CEMIP: variants seen among roughly 807,000 people sequenced by gnomAD.
CEMIP encodes the protein cell migration inducing hyaluronidase 1.
CEMIP carries 105 observed loss-of-function variants against 156.9 expected under a neutral mutation model. The observed-to-expected ratio is 0.67, with a 90% CI of 0.57 to 0.79. The LOEUF (loss-of-function observed/expected upper bound fraction) is 0.79, where lower values mean the gene tolerates loss of function less well. Ranked by LOEUF, CEMIP falls within the 30% of genes least tolerant of loss-of-function variation. The probability of loss-of-function intolerance (pLI) is 0.00; values close to 1 mark genes in which losing one functional copy is unlikely to be tolerated. For missense variants in CEMIP, 1,457 were observed against 1,769.4 expected (o/e 0.82, Z 3.17); for synonymous variants, 676 against 668.4 (o/e 1.01, Z -0.17).
intron 1 of CEMIP, among the ~76,000 whole-genome samples, chr15:80,817,244 G>T (rs546156940): frequency 6.6e-6 from 1 of 152,180 alleles, no homozygotes; most frequent in South Asian, 2.1e-4. Flanking sequence ...TGAGGAGAAA[G>T]TTGCTCAAAT....
intron 1 of CEMIP, among the ~76,000 whole-genome samples, chr15:80,816,922 G>A (rs1755519116): frequency 6.6e-6 from 1 of 152,078 alleles, no homozygotes; most frequent in Non-Finnish European, 1.5e-5. Context: ...CGCTCCTCAG[G>A]CTTCAGCCCA....
At position 80,885,563 on chromosome 15, in the gene CEMIP, C is replaced by T. The variant is rs16972531; in HGVS notation, c.797+1209C>T. On this transcript the variant is annotated intron_variant, in intron 7 of 29. Coordinates refer to ENST00000394685, the MANE Select transcript of CEMIP (RefSeq NM_001293298.2). ...GAAACACCAGGAAACTGACTATTTA[C>T]GGCCTCAGCAGAAGAAGAAAGTGGC... is the stretch of plus-strand genomic sequence containing the variant. Among the ~76,000 whole-genome samples, 712 of 152,270 alleles carry T rather than the reference C, an allele frequency of 4.7e-3. 5 individuals carry two copies. The highest frequency in any genetic ancestry group is 0.013 in the African/African-American group (537 of 41,536).
In CEMIP at chr15:80,895,137, G is replaced by T; in HGVS notation, c.1219+15G>T. 6.2e-7 allele frequency: 1 copy of T among 1,614,130 alleles called. No homozygotes were observed. Among genetic ancestry groups the T allele is most frequent in the Non-Finnish European group, 8.5e-7 (1 of 1,180,004 alleles). ...TGGGAAGCCTGGTAAGCAGCCCCTT[G>T]TCGGGGACACAGATGCAACTATGGC... On this transcript the variant is annotated intron_variant, in intron 11 of 29. Transcript: ENST00000394685.
chr15:80,845,513 TA>T (rs1158996396), intron 1 of CEMIP, among the ~76,000 whole-genome samples: 1 of 152,182 alleles, frequency 6.6e-6, no homozygotes. Flanking sequence ...AACATGGCAC[TA>T]AAAAACCTGT....
At chr15:80,795,237 C>T (rs902637278) in intron 1 of CEMIP, among the ~76,000 whole-genome samples, 1 of 152,036 alleles carries the variant, frequency 6.6e-6, no homozygotes, top group African/African-American at 2.4e-5. Context: ...GTTACATTGT[C>T]TGATTTTTCT....
intron 18 of CEMIP, 62 bp downstream of exon 18, chr15:80,924,768 C>A: frequency 7.5e-7 from 1 of 1,340,456 alleles, no homozygotes; most frequent in Non-Finnish European, 1.1e-6. Flanking sequence ...CTGCCTCCCC[C>A]TCCTTCAATC....
intron 1 of CEMIP, among the ~76,000 whole-genome samples, chr15:80,845,790 A>G (rs1897539046): frequency 1.3e-5 from 2 of 152,184 alleles, no homozygotes; most frequent in Admixed American, 1.3e-4. Context: ...AGCTAGATCG[A>G]GTCATTAGGC....
intron 12 of CEMIP, among the ~76,000 whole-genome samples, chr15:80,905,242 T>C (rs1297708139): frequency 6.6e-6 from 1 of 152,188 alleles, no homozygotes; most frequent in Admixed American, 6.5e-5. Flanking sequence ...CCAAGCCGTG[T>C]AGGTGGTGTG....
At chr15:80,848,239 C>G (rs546355071) in intron 1 of CEMIP, among the ~76,000 whole-genome samples, 2 of 152,300 alleles carry the variant, frequency 1.3e-5, no homozygotes, top group East Asian at 3.9e-4. Context: ...ATGGACTCCT[C>G]CTATCTGGCC....
chr15:80,909,388 T>A, intron 14 of CEMIP, 82 bp downstream of exon 14: 1 of 1,369,334 alleles, frequency 7.3e-7, no homozygotes, highest in Non-Finnish European at 1.0e-6. Flanking sequence ...TGTAGACACT[T>A]AATCCAGGGC....
intron 1 of CEMIP, among the ~76,000 whole-genome samples, chr15:80,855,742 C>T (rs937631301): frequency 1.3e-5 from 2 of 152,124 alleles, no homozygotes; most frequent in Admixed American, 6.5e-5. Context: ...AGGCTAGTCT[C>T]GAACTCCTGT....
intron 11 of CEMIP, 144 bp downstream of exon 11, chr15:80,895,266 C>A: frequency 8.8e-7 from 1 of 1,132,934 alleles, no homozygotes; most frequent in South Asian, 1.3e-5. Flanking sequence ...GTGGGAGGAT[C>A]CTTGGAGTTG....
intron 6 of CEMIP, 85 bp downstream of exon 6, chr15:80,881,221 G>A (rs1462496183): frequency 8.4e-7 from 1 of 1,184,274 alleles, no homozygotes; most frequent in Non-Finnish European, 1.3e-6. Flanking sequence ...GCCGCTCTAG[G>A]TGCTGGGAGA....
At chr15:80,880,798 G>T (rs147026015) in intron 5 of CEMIP, 102 bp from the exon 6 acceptor site, 2 of 907,600 alleles carry the variant, frequency 2.2e-6, no homozygotes, top group South Asian at 1.3e-5. Flanking sequence ...TGGCCGTGGT[G>T]GGGGGTCAGG....
Position 80,896,026 on chromosome 15 carries a change from C to CA in CEMIP, c.1378dup (p.Arg460LysfsTer61). On this transcript the variant is annotated frameshift_variant, in exon 12 of 30. Transcript: ENST00000394685. LOFTEE classifies it high-confidence loss of function. ...CAGAAGAGTTCCAGGTGCTTCCCTG[C>CA]AGATCCTGCGCCCCCAACCAGGTCA... 1 of 1,614,166 alleles carries CA rather than the reference C, an allele frequency of 6.2e-7. No individual in the cohort carries two copies. The highest frequency in any genetic ancestry group is 1.7e-5 in the Admixed American group (1 of 60,032).
intron 28 of CEMIP, among the ~76,000 whole-genome samples, chr15:80,944,622 G>T (rs1901470333): frequency 6.6e-6 from 1 of 152,140 alleles, no homozygotes; most frequent in Non-Finnish European, 1.5e-5. Flanking sequence ...TTTGGATAAT[G>T]GGATTTTGCT....
chr15:80,878,749 T>C lies in CEMIP; in HGVS notation c.123T>C (p.Pro41=), dbSNP rs747509725. 11 of 1,614,052 alleles carry C rather than the reference T, an allele frequency of 6.8e-6. No individual in the cohort carries two copies. Among genetic ancestry groups the C allele is most frequent in the Non-Finnish European group, 9.3e-6 (11 of 1,180,040 alleles). ...CTGCTGGGTGCCCTGACCAGAGCCCTGAGTTGCAACCCTGGAACCCTGGCC... is the reference window on the plus strand; with the variant it reads ...CTGCTGGGTGCCCTGACCAGAGCCCCGAGTTGCAACCCTGGAACCCTGGCC... ...TVAAGCPDQS[P]ELQPWNPGHD... The change falls in exon 4 of 30, where the codon CCT becomes CCC. Residue 41 remains proline, a synonymous_variant. Coordinates refer to ENST00000394685, the MANE Select transcript of CEMIP (RefSeq NM_001293298.2).
chr15:80,901,144 A>T (rs1430427190), intron 12 of CEMIP, among the ~76,000 whole-genome samples: 1 of 152,048 alleles, frequency 6.6e-6, no homozygotes, highest in Non-Finnish European at 1.5e-5. Context: ...TTGCCCATAA[A>T]CACCCCCCAC....
intron 7 of CEMIP, among the ~76,000 whole-genome samples, chr15:80,884,750 GTC>G (rs1477888275): frequency 6.6e-6 from 1 of 152,192 alleles, no homozygotes; most frequent in Non-Finnish European, 1.5e-5. Context: ...TATGTGAAGT[GTC>G]TCTGCTGAGG....
Sources: allele counts gnomAD v4.1 joint callset (sites outside exome capture counted in the v4.1 genomes callset), GRCh38; gene constraint gnomAD v4.1.1; transcripts MANE v1.5; gene names NCBI Gene and HGNC (gene_info 2026-07-23, HGNC 2026-07-21).